Variants in ATP8B4 observed in about 807,000 individuals in gnomAD.
The protein encoded by ATP8B4 is ATPase phospholipid transporting 8B4 (putative).
Under a neutral mutation model 145.6 loss-of-function variants are expected in ATP8B4, and 133 were observed. That is an observed-to-expected ratio of 0.91 (90% CI 0.79 to 1.05). The LOEUF is 1.05. Ranked by LOEUF, ATP8B4 falls within the 50% of genes least tolerant of loss-of-function variation. The probability of loss-of-function intolerance (pLI) is 0.00; values close to 1 mark genes in which losing one functional copy is unlikely to be tolerated. For synonymous variants in ATP8B4, 507 were observed against 492.9 expected, an observed-to-expected ratio of 1.03 and a Z score of -0.38; for missense variants, 1,458 against 1,425.2, an observed-to-expected ratio of 1.02 and a Z score of -0.37.
rs796902284 is a variant in ATP8B4, at chr15:49,964,016, G to A, written c.1244-1996C>T. On this transcript the variant is annotated intron_variant, in intron 13 of 27. Transcript: ENST00000284509. ...TTTTCATTTCTGTTTTATGGATAAGGGAACCAAAGAATGGTTCAAAATGAC... is the reference window on the plus strand; with the variant it reads ...TTTTCATTTCTGTTTTATGGATAAGAGAACCAAAGAATGGTTCAAAATGAC... Among the ~76,000 whole-genome samples, 3 of 152,114 alleles carry A rather than the reference G, an allele frequency of 2.0e-5. 1 individual carries two copies. The South Asian group carries it at 6.2e-4, about 31-fold the overall frequency.
chr15:50,052,675 A>C (rs1467426895), intron 3 of ATP8B4, among the ~76,000 whole-genome samples: 1 of 152,192 alleles, frequency 6.6e-6, no homozygotes, highest in Non-Finnish European at 1.5e-5. Flanking sequence ...CCTGGAAGGC[A>C]ATGTCATTGC....
chr15:50,106,343 C>T (rs4544194), intron 2 of ATP8B4, among the ~76,000 whole-genome samples: 138,927 of 152,252 alleles, frequency 0.91, 64,129 homozygotes, highest in East Asian at 1. Flanking sequence ...CTGGTGTGGA[C>T]GCTATATTAA....
chr15:49,885,659 C>T (rs952171001), intron 23 of ATP8B4, among the ~76,000 whole-genome samples: 1 of 152,126 alleles, frequency 6.6e-6, no homozygotes. Flanking sequence ...ATATCAAGAC[C>T]AGAGCTCATC....
chr15:50,165,755 T>C (rs909499898), intron 1 of ATP8B4, among the ~76,000 whole-genome samples: 14 of 147,254 alleles, frequency 9.5e-5, no homozygotes, highest in African/African-American at 3.5e-4. Context: ...GGTTTAAAAT[T>C]ATCAAAATTG....
At chr15:50,092,478 T>C (rs1332065339) in intron 2 of ATP8B4, among the ~76,000 whole-genome samples, 6 of 152,020 alleles carry the variant, frequency 3.9e-5, no homozygotes. Context: ...CTGATTAACA[T>C]GTACATTAAA....
At chr15:50,065,808 A>G (rs1263437453) in intron 3 of ATP8B4, among the ~76,000 whole-genome samples, 1 of 152,140 alleles carries the variant, frequency 6.6e-6, no homozygotes, top group Non-Finnish European at 1.5e-5. Context: ...TAAATAAATA[A>G]GCCAAATCTG....
chr15:50,039,290 T>C lies in ATP8B4; in HGVS notation c.301-461A>G, dbSNP rs189654479. Among the ~76,000 whole-genome samples, 35 of 152,358 alleles carry C rather than the reference T, an allele frequency of 2.3e-4. No individual in the cohort carries two copies. The East Asian group carries it at 6.5e-3, about 29-fold the overall frequency. On this transcript the variant is annotated intron_variant, in intron 5 of 27. Coordinates refer to ENST00000284509, the MANE Select transcript of ATP8B4 (RefSeq NM_024837.4). ...CTTGTAACAACATCAATTTTTATTC[T>C]CCAGAAACTCTAATTGTTAACAGTG...
In ATP8B4 at chr15:49,907,889, C is replaced by T. The variant is rs80321972; in HGVS notation, c.2142-6650G>A. Among the ~76,000 whole-genome samples the T allele has an allele frequency of 5.3e-5, 8 of 152,218 alleles. No homozygotes were observed. The East Asian group carries it at 1.2e-3, about 22-fold the overall frequency. On this transcript the variant is annotated intron_variant, in intron 20 of 27. Transcript: ENST00000284509. Reference sequence around the variant, plus strand: ...TTACTCAAGTGAAGCAGTAAGATACCTTAACAACTATATTTTTAGGTTAAT... The same window carrying T: ...TTACTCAAGTGAAGCAGTAAGATACTTTAACAACTATATTTTTAGGTTAAT...
chr15:49,953,606 C>T (rs968471254), intron 14 of ATP8B4, among the ~76,000 whole-genome samples: 1 of 152,172 alleles, frequency 6.6e-6, no homozygotes, highest in Non-Finnish European at 1.5e-5. Context: ...ATTGGTGCTG[C>T]CCTTCCCCCA....
chr15:49,958,409 T>G (rs1436501178), intron 14 of ATP8B4, among the ~76,000 whole-genome samples: 1 of 151,394 alleles, frequency 6.6e-6, no homozygotes, highest in Non-Finnish European at 1.5e-5. Context: ...AAGAAGGCAT[T>G]AATAAAGAAG....
At chr15:49,961,842 T>C (rs2044108245) in intron 14 of ATP8B4, 135 bp downstream of exon 14, 1 of 694,196 alleles carries the variant, frequency 1.4e-6, no homozygotes, top group Admixed American at 3.6e-5. Flanking sequence ...ATCATATTAA[T>C]CTATTTTTTA....
intron 7 of ATP8B4, among the ~76,000 whole-genome samples, chr15:50,006,150 G>A (rs189836287): frequency 1.3e-5 from 2 of 151,940 alleles, no homozygotes; most frequent in Non-Finnish European, 2.9e-5. Context: ...TAATATGTAC[G>A]GGATACATCA....
chr15:49,911,985 T>A (rs997307645), intron 20 of ATP8B4, among the ~76,000 whole-genome samples: 30 of 151,856 alleles, frequency 2.0e-4, no homozygotes, highest in Admixed American at 5.9e-4. Context: ...CTCAAACATA[T>A]GAAAATGGAA....
chr15:50,016,541 T>C (rs982919939), intron 6 of ATP8B4, among the ~76,000 whole-genome samples: 4 of 152,138 alleles, frequency 2.6e-5, no homozygotes, highest in African/African-American at 9.7e-5. Flanking sequence ...GAGGGAGCAG[T>C]TGGGCTGTTG....
chr15:49,987,342 C>A, intron 10 of ATP8B4, 49 bp downstream of exon 10: 1 of 1,581,574 alleles, frequency 6.3e-7, no homozygotes, highest in Non-Finnish European at 8.6e-7. Flanking sequence ...TGCTGGTGTA[C>A]GTTGCAGGAA....
intron 2 of ATP8B4, among the ~76,000 whole-genome samples, chr15:50,075,994 T>C (rs2054146177): frequency 2.6e-5 from 4 of 152,242 alleles, no homozygotes; most frequent in Admixed American, 2.6e-4. Context: ...GTATGCTGCA[T>C]GTAATTAATA....
At chr15:49,995,935 T>C (rs984213872) in intron 9 of ATP8B4, among the ~76,000 whole-genome samples, 1 of 152,110 alleles carries the variant, frequency 6.6e-6, no homozygotes, top group Non-Finnish European at 1.5e-5. Context: ...ACTCTTGAAG[T>C]ACTGTGTTTC....
chr15:50,172,525 T>A (rs867313169), intron 1 of ATP8B4, among the ~76,000 whole-genome samples: 1 of 152,214 alleles, frequency 6.6e-6, no homozygotes, highest in African/African-American at 2.4e-5. Flanking sequence ...TGCCTTGGCC[T>A]CCCAAGGTGC....
chr15:49,917,940 C>T (rs2039905584), intron 19 of ATP8B4, among the ~76,000 whole-genome samples: 2 of 152,274 alleles, frequency 1.3e-5, no homozygotes, highest in South Asian at 4.1e-4. Flanking sequence ...CCTAGTAACA[C>T]ACCGGAGTGC....
Sources: gnomAD v4.1 joint callset for allele counts (sites outside exome capture counted in the v4.1 genomes callset) on GRCh38, gnomAD v4.1.1 for gene constraint, MANE v1.5 for transcripts, NCBI Gene and HGNC (gene_info 2026-07-23, HGNC 2026-07-21) for gene names.